Variants in FNDC3B observed in about 807,000 individuals in gnomAD.
The protein encoded by FNDC3B is fibronectin type III domain-containing protein 3B.
A neutral mutation model predicts 151.5 loss-of-function variants in FNDC3B; 12 were observed. That is an observed-to-expected ratio of 0.08 (90% CI 0.05 to 0.13). FNDC3B has a LOEUF of 0.13. Ranked by LOEUF, FNDC3B falls within the 10% of genes least tolerant of loss-of-function variation. The pLI is 1.00. For missense variants in FNDC3B, 1,214 were observed against 1,505.3 expected (o/e 0.81, Z 3.20); for synonymous variants, 528 against 549.0 (o/e 0.96, Z 0.54).
At chr3:172,059,733 A>G (rs1441203193) in intron 1 of FNDC3B, among the ~76,000 whole-genome samples, 1 of 152,224 alleles carries the variant, frequency 6.6e-6, no homozygotes, top group Non-Finnish European at 1.5e-5. Context: ...AAACATTAAT[A>G]CCTGATAGAC....
chr3:172,124,018 T>G (rs1287840875), intron 2 of FNDC3B, among the ~76,000 whole-genome samples: 1 of 152,210 alleles, frequency 6.6e-6, no homozygotes, highest in African/African-American at 2.4e-5. Context: ...GGTCTCTTGC[T>G]TTCTCATTTT....
chr3:172,346,452 AT>A lies in FNDC3B; in HGVS notation c.2364+13del, dbSNP rs757498377. 8.0e-6 allele frequency: 12 copies of A among 1,495,442 alleles called. No homozygotes were observed. The highest frequency in any genetic ancestry group is 1.0e-5 in the Non-Finnish European group (11 of 1,078,192). The allele number at this position is 1,495,442 out of a possible 1,614,324, so 92.6% of individuals were successfully genotyped here. A position where few individuals can be genotyped will look rare whatever the true frequency, so the allele number is the denominator to read the frequency against. ...TAGTGGGTTGGGAGGTAAGTCAGGC[AT>A]ATTCTGCATCAACTTCTGTTTCTTC... On this transcript the variant is annotated intron_variant, in intron 20 of 25. Coordinates refer to ENST00000415807, the MANE Select transcript of FNDC3B (RefSeq NM_022763.4).
chr3:172,385,308 C>G (rs148833111), intron 25 of FNDC3B, among the ~76,000 whole-genome samples: 1 of 152,198 alleles, frequency 6.6e-6, no homozygotes, highest in Non-Finnish European at 1.5e-5. Flanking sequence ...GAGCTACAGG[C>G]TCACTGTGTA....
At chr3:172,358,356 C>A (rs1734197526) in intron 22 of FNDC3B, among the ~76,000 whole-genome samples, 1 of 152,250 alleles carries the variant, frequency 6.6e-6, no homozygotes, top group South Asian at 2.1e-4. Flanking sequence ...AATAGTAGTT[C>A]CCACTCTGTA....
chr3:172,263,801 A>G (rs764355583), intron 6 of FNDC3B, among the ~76,000 whole-genome samples: 1 of 152,110 alleles, frequency 6.6e-6, no homozygotes, highest in African/African-American at 2.4e-5. Context: ...ATCATCTACA[A>G]CATTACGCAT....
chr3:172,136,823 G>T (rs963712830), intron 3 of FNDC3B, among the ~76,000 whole-genome samples: 2 of 152,060 alleles, frequency 1.3e-5, no homozygotes, highest in African/African-American at 2.4e-5. Context: ...GGGTTCAAGC[G>T]ACTCTCCTGC....
intron 3 of FNDC3B, among the ~76,000 whole-genome samples, chr3:172,152,578 CTTT>C (rs10662326): frequency 2.4e-5 from 3 of 125,808 alleles, no homozygotes; most frequent in African/African-American, 9.2e-5. Context: ...ATGGGAAGGG[CTTT>C]TTTTTTTTTT....
At chr3:172,248,957 A>G (rs2108772974) in intron 5 of FNDC3B, among the ~76,000 whole-genome samples, 1 of 152,162 alleles carries the variant, frequency 6.6e-6, no homozygotes, top group East Asian at 1.9e-4. Context: ...ATAGCAAAAC[A>G]TGAAATCAAT....
chr3:172,266,577 T>C (rs571653027), intron 6 of FNDC3B, among the ~76,000 whole-genome samples: 1 of 152,314 alleles, frequency 6.6e-6, no homozygotes, highest in South Asian at 2.1e-4. Flanking sequence ...AATCAAGGTA[T>C]TGGTAGGCCC....
At chr3:172,255,744 G>A (rs1728303890) in intron 6 of FNDC3B, among the ~76,000 whole-genome samples, 1 of 152,192 alleles carries the variant, frequency 6.6e-6, no homozygotes, top group South Asian at 2.1e-4. Flanking sequence ...GGGTAGAAAC[G>A]TACAGATACC....
At chr3:172,253,550 C>T (rs892387227) in intron 6 of FNDC3B, among the ~76,000 whole-genome samples, 2 of 152,122 alleles carry the variant, frequency 1.3e-5, no homozygotes, top group African/African-American at 2.4e-5. Context: ...TAAATCTGTG[C>T]CCCGGAAACA....
intron 12 of FNDC3B, 65 bp from the exon 13 acceptor site, chr3:172,330,476 C>G: frequency 1.4e-6 from 2 of 1,442,160 alleles, no homozygotes; most frequent in Non-Finnish European, 9.5e-7. Flanking sequence ...CTGAGCCTTC[C>G]TCTTTTAAAA....
At chr3:172,113,638 C>T (rs991818171) in intron 2 of FNDC3B, among the ~76,000 whole-genome samples, 3 of 152,208 alleles carry the variant, frequency 2.0e-5, no homozygotes, top group Admixed American at 2.0e-4. Context: ...ATTCCTCAGT[C>T]TCTTCCTCTG....
chr3:172,282,557 A>ATAT (rs1289805890), intron 6 of FNDC3B, among the ~76,000 whole-genome samples: 3 of 152,112 alleles, frequency 2.0e-5, no homozygotes, highest in African/African-American at 7.2e-5. Flanking sequence ...TCCTTTCTTC[A>ATAT]TATACATTCC....
chr3:172,265,232 A>G (rs926165757), intron 6 of FNDC3B, among the ~76,000 whole-genome samples: 18 of 152,234 alleles, frequency 1.2e-4, no homozygotes, highest in Admixed American at 4.6e-4. Flanking sequence ...AAGATAATTA[A>G]TAGGTATCTA....
intron 1 of FNDC3B, among the ~76,000 whole-genome samples, chr3:172,072,971 G>A (rs530564502): frequency 3.0e-4 from 45 of 152,208 alleles, no homozygotes; most frequent in East Asian, 2.1e-3. Flanking sequence ...GAAAAGGGCC[G>A]GAGTAGTTGT....
intron 2 of FNDC3B, among the ~76,000 whole-genome samples, chr3:172,131,229 A>T (rs1336161472): frequency 6.6e-6 from 1 of 152,112 alleles, no homozygotes; most frequent in African/African-American, 2.4e-5. Context: ...CCCCATCTCT[A>T]CTAAAAATAC....
chr3:172,154,208 G>A (rs1224876556), intron 3 of FNDC3B, among the ~76,000 whole-genome samples: 5 of 152,006 alleles, frequency 3.3e-5, no homozygotes, highest in Non-Finnish European at 5.9e-5. Flanking sequence ...TAATCTGATC[G>A]AGACCGTTAA....
rs199592871 is a variant in FNDC3B at position 172,378,441 on chromosome 3, G to C, written c.3175+5G>C. The stretch of plus-strand genomic sequence containing the variant: ...GTGTCCCCCCCACCATCAAAGGTGT[G>C]TAGACTATGTATTCTTTCTCGCTCT... On this transcript the variant is annotated splice_donor_5th_base_variant and intron_variant, in intron 24 of 25. Transcript: ENST00000415807. 3.0e-4 allele frequency: 476 copies of C among 1,599,060 alleles called. 2 individuals carry two copies. The highest frequency in any genetic ancestry group is 2.9e-4 in the Admixed American group (16 of 56,030).
Sources: allele counts gnomAD v4.1 joint callset (sites outside exome capture counted in the v4.1 genomes callset), GRCh38; gene constraint gnomAD v4.1.1; transcripts MANE v1.5; gene names NCBI Gene and HGNC (gene_info 2026-07-23, HGNC 2026-07-21).